The following AGAP6 variants were observed in gnomAD, a reference collection of about 807,000 sequenced individuals.
AGAP6 encodes arf-GAP with GTPase, ANK repeat and PH domain-containing protein 6.
Under a neutral mutation model 63.9 loss-of-function variants are expected in AGAP6, and 29 were observed. That is an observed-to-expected ratio of 0.45 (90% confidence interval 0.34 to 0.62). AGAP6 has a LOEUF of 0.62. AGAP6 is among the 20% of genes least tolerant of loss of function. The pLI, the probability that AGAP6 is intolerant of heterozygous loss-of-function variation, is 0.01. For missense variants in AGAP6, 493 were observed against 884.9 expected, an observed-to-expected ratio of 0.56 and a Z score of 5.62; for synonymous variants, 199 against 332.9, an observed-to-expected ratio of 0.60 and a Z score of 4.38.
chr10:50,009,668 C>A lies in AGAP6; in HGVS notation c.1543C>A (p.Arg515Ser). The A allele has an allele frequency of 1.2e-6, 2 of 1,614,222 alleles. No individual in the cohort carries two copies. The highest frequency in any genetic ancestry group is 8.5e-7 in the Non-Finnish European group (1 of 1,180,044). Residue 515 changes from arginine to serine, a missense_variant, in exon 8 of 8, where the codon CGT becomes AGT. Arg to Ser is a moderately radical substitution (Grantham distance 110, BLOSUM62 -1). Around this residue, in one of 7 missense-constraint regions of AGAP6, gnomAD observed 87 missense variants for 92.9 expected, o/e 0.94. Coordinates refer to ENST00000412531, the MANE Select transcript of AGAP6 (RefSeq NM_001077665.3). Reference sequence around the variant, plus strand: ...CCGCAGTCTTGGCCCCCACCTTTCCCGTGTGCGATCTCTGGAGCTGGATGA... The same window carrying A: ...CCGCAGTCTTGGCCCCCACCTTTCCAGTGTGCGATCTCTGGAGCTGGATGA... ...IHRSLGPHLS[R>S]VRSLELDDWP...
At position 49,990,426 on chromosome 10, in the gene AGAP6, C is replaced by G. The variant is rs541611443; in HGVS notation, c.292+1050C>G. ...CGCCAATGCACTCCAGCCTGGGTGA[C>G]AGAGCGAGACTCCGTCTCACAAAAA... On this transcript the variant is annotated intron_variant, in intron 2 of 7. Coordinates refer to ENST00000412531, the MANE Select transcript of AGAP6 (RefSeq NM_001077665.3). Among the ~76,000 whole-genome samples the G allele has an allele frequency of 3.3e-5, 5 of 152,320 alleles. No individual in the cohort carries two copies. The East Asian group carries it at 9.6e-4, about 29-fold the overall frequency.
chr10:49,994,594 A>G (rs1350444179), intron 4 of AGAP6, among the ~76,000 whole-genome samples, 165 bp downstream of exon 4: 2 of 152,182 alleles, frequency 1.3e-5, no homozygotes, highest in Non-Finnish European at 2.9e-5. Flanking sequence ...TTATCCAGAA[A>G]AGTGTTTAGT....
At chr10:49,993,318 C>T (rs1841354944) in intron 3 of AGAP6, among the ~76,000 whole-genome samples, 1 of 152,150 alleles carries the variant, frequency 6.6e-6, no homozygotes, top group Non-Finnish European at 1.5e-5. Context: ...AAAAGAAAAG[C>T]TATTCCATGT....
Position 49,998,044 on chromosome 10 carries a change from T to G in AGAP6, c.396+3615T>G, listed in dbSNP as rs552687286. ...TGTATATCACGGTTTCTTTATCCACTCATTGATTGATGGGCATTTGGGCTG... is the reference window on the plus strand; with the variant it reads ...TGTATATCACGGTTTCTTTATCCACGCATTGATTGATGGGCATTTGGGCTG... On this transcript the variant is annotated intron_variant, in intron 4 of 7. Transcript: ENST00000412531. 7.2e-4 allele frequency among the ~76,000 whole-genome samples: 96 copies of G among 134,068 alleles called. 10 individuals are homozygous for G. Among genetic ancestry groups the G allele is most frequent in the Non-Finnish European group, 1.4e-3 (91 of 64,914 alleles). 88.0% of individuals were successfully genotyped at this position (134,068 alleles called of 152,430 possible).
chr10:50,002,284 G>A (rs201399084), intron 5 of AGAP6, among the ~76,000 whole-genome samples, 188 bp downstream of exon 5: 5,344 of 81,066 alleles, frequency 0.066, no homozygotes, highest in South Asian at 0.12. Flanking sequence ...AAATCAGTTA[G>A]CAAAGAAGCA....
Position 50,010,397 on chromosome 10 carries a change from G to A in AGAP6, c.*211G>A, listed in dbSNP as rs1236632868. 3.9e-6 allele frequency: 4 copies of A among 1,020,928 alleles called. No homozygotes were observed. Among genetic ancestry groups the A allele is most frequent in the Non-Finnish European group, 4.3e-6 (3 of 702,804 alleles). 63.2% of individuals were successfully genotyped at this position (1,020,928 alleles called of 1,614,324 possible). A position where few individuals can be genotyped will look rare whatever the true frequency, so the allele number is the denominator to read the frequency against. The stretch of plus-strand genomic sequence containing the variant: ...GCCAAGGTGGATTTGTTAGTCTCAG[G>A]CCCTCCTGGCCACATTGCCCAAGTC... On this transcript the variant is annotated 3_prime_UTR_variant, in exon 8 of 8. Coordinates refer to ENST00000412531, the MANE Select transcript of AGAP6 (RefSeq NM_001077665.3).
At chr10:50,005,316 A>ACTTT (rs1211844182) in intron 6 of AGAP6, among the ~76,000 whole-genome samples, 2 of 152,228 alleles carry the variant, frequency 1.3e-5, no homozygotes, top group African/African-American at 2.4e-5. Context: ...ATTTGCTTTA[A>ACTTT]AGAAGCAATA....
chr10:50,004,133 C>T (rs542532824), intron 5 of AGAP6, among the ~76,000 whole-genome samples: 64 of 151,168 alleles, frequency 4.2e-4, no homozygotes, highest in African/African-American at 1.5e-3. Flanking sequence ...TGTGGTGAGC[C>T]GAGATCACAC....
intron 4 of AGAP6, 93 bp from the exon 5 acceptor site, chr10:50,001,903 G>C (rs1554862965): frequency 1.1e-5 from 14 of 1,238,008 alleles, no homozygotes; most frequent in Non-Finnish European, 2.3e-6. Context: ...TTCATGGAGT[G>C]TAAGACATAT....
chr10:49,991,447 C>T (rs1417109050), intron 2 of AGAP6, among the ~76,000 whole-genome samples: 2 of 136,936 alleles, frequency 1.5e-5, no homozygotes, highest in Non-Finnish European at 3.1e-5. Context: ...CTGGCCTCAA[C>T]TTCCTGACCT....
Position 50,008,932 on chromosome 10 carries a change from G to A in AGAP6, c.807G>A (p.Pro269=), listed in dbSNP as rs782010572. ...GSDPDKERKA[P]ENHADTIGSG... ...ACCCAGACAAAGAGAGGAAAGCCCCGGAGAATCATGCTGACACCATCGGGA... is the reference window on the plus strand; with the variant it reads ...ACCCAGACAAAGAGAGGAAAGCCCCAGAGAATCATGCTGACACCATCGGGA... The change falls in exon 8 of 8, where the codon CCG becomes CCA. Residue 269 remains proline, a synonymous_variant. Coordinates refer to ENST00000412531, the MANE Select transcript of AGAP6 (RefSeq NM_001077665.3). 231 of 1,613,796 alleles carry A rather than the reference G, an allele frequency of 1.4e-4. No individual in the cohort carries two copies. Among genetic ancestry groups the A allele is most frequent in the Admixed American group, 7.8e-4 (47 of 59,980 alleles).
At chr10:50,008,398 C>T (rs1364170758) in intron 7 of AGAP6, among the ~76,000 whole-genome samples, 1 of 151,412 alleles carries the variant, frequency 6.6e-6, no homozygotes, top group Non-Finnish European at 1.5e-5. Flanking sequence ...TCCCAGGTCC[C>T]TGTTCAAGCA....
At chr10:49,999,181 T>G (rs1841602924) in intron 4 of AGAP6, among the ~76,000 whole-genome samples, 1 of 135,430 alleles carries the variant, frequency 7.4e-6, no homozygotes, top group Non-Finnish European at 1.5e-5. Context: ...GAGGTTGCAG[T>G]GAGCCAAGAT....
chr10:49,994,509 G>A (rs1841406441), intron 4 of AGAP6, 80 bp downstream of exon 4: 11 of 1,457,336 alleles, frequency 7.5e-6, no homozygotes, highest in Non-Finnish European at 9.2e-6. Context: ...AAATTACAAT[G>A]TGGACCTGGT....
In AGAP6 at chr10:50,009,526, G is replaced by A. The variant is rs1842032550; in HGVS notation, c.1401G>A (p.Leu467=). 5 of 1,613,482 alleles carry A rather than the reference G, an allele frequency of 3.1e-6. No individual in the cohort carries two copies. Among genetic ancestry groups the A allele is most frequent in the Non-Finnish European group, 4.2e-6 (5 of 1,179,894 alleles). Residue 467 remains leucine, a synonymous_variant, in exon 8 of 8, where the codon CTG becomes CTA. Transcript: ENST00000412531. ...QLTSQSEAMA[L]QSIQNMRGNA... is the part of the protein sequence containing the mutation. ...CCAGCCAGAGCGAGGCCATGGCCCT[G>A]CAGTCGATCCAAAACATGCGTGGGA... is the stretch of plus-strand genomic sequence containing the variant.
intron 4 of AGAP6, among the ~76,000 whole-genome samples, chr10:49,995,172 T>C (rs1554861717): frequency 6.6e-6 from 1 of 152,070 alleles, no homozygotes. Flanking sequence ...ATCAGTAATA[T>C]TTACATGATT....
At chr10:50,007,977 A>G in intron 6 of AGAP6, 48 bp from the exon 7 acceptor site, 2 of 1,611,538 alleles carry the variant, frequency 1.2e-6, no homozygotes, top group Non-Finnish European at 1.7e-6. Context: ...CAAATATTAT[A>G]CTAAGATATT....
intron 4 of AGAP6, among the ~76,000 whole-genome samples, chr10:50,000,115 C>G (rs1841641772): frequency 1.1e-5 from 1 of 91,306 alleles, no homozygotes; most frequent in South Asian, 5.1e-4. Flanking sequence ...GTCATTAAAC[C>G]TTAAAACTAC....
Position 50,008,965 on chromosome 10 carries a change from A to G in AGAP6, c.840A>G (p.Arg280=). ...ENHADTIGSG[R]AIPIKQGMLL... ...ATGCTGACACCATCGGGAGCGGTAG[A>G]GCCATCCCCATTAAACAGGGCATGC... Residue 280 remains arginine (R), a synonymous_variant, in exon 8 of 8, where the codon AGA becomes AGG. Coordinates refer to ENST00000412531, the MANE Select transcript of AGAP6 (RefSeq NM_001077665.3). 6.2e-7 allele frequency: 1 copy of G among 1,614,020 alleles called. No homozygotes were observed. The highest frequency in any genetic ancestry group is 8.5e-7 in the Non-Finnish European group (1 of 1,179,906).
Sources: gnomAD v4.1 joint callset for allele counts (sites outside exome capture counted in the v4.1 genomes callset) on GRCh38, gnomAD v4.1.1 for gene constraint, gnomAD v4.1.1 regional missense constraint, MANE v1.5 for transcripts, NCBI Gene and HGNC (gene_info 2026-07-23, HGNC 2026-07-21) for gene names.